TANC2: variants seen among roughly 807,000 people sequenced by gnomAD.
TANC2 encodes the protein protein TANC2.
TANC2 carries 26 observed loss-of-function variants against 210.5 expected under a neutral mutation model. That is an observed-to-expected ratio of 0.12 (90% CI 0.09 to 0.17). The LOEUF is 0.17. Among genes scored for constraint, TANC2 ranks in the 10% least tolerant of loss-of-function variants. The pLI is 1.00. For missense variants in TANC2, 2,129 were observed against 2,608.9 expected (o/e 0.82, Z 4.01); for synonymous variants, 931 against 967.1 (o/e 0.96, Z 0.69).
Position 63,231,546 on chromosome 17 carries a change from G to A in TANC2, c.770-6268G>A, listed in dbSNP as rs537665531. Among the ~76,000 whole-genome samples the A allele has an allele frequency of 3.3e-5, 5 of 152,246 alleles. No homozygotes were observed. The South Asian group carries it at 1.0e-3, about 32-fold the overall frequency. On this transcript the variant is annotated intron_variant, in intron 7 of 27. Coordinates refer to ENST00000689528, the Ensembl canonical transcript of TANC2. ...TTAGTTTGGCCACATATGAACTTCT[G>A]GATTGGAAATTCTTTTCTTTAAGAA...
chr17:62,986,346 T>G (rs2032564544), intron 1 of TANC2, among the ~76,000 whole-genome samples: 1 of 152,146 alleles, frequency 6.6e-6, no homozygotes, highest in African/African-American at 2.4e-5. Flanking sequence ...GCCTGGGACG[T>G]GCCTGCCAGG....
At chr17:63,059,051 T>C (rs763069786) in intron 2 of TANC2, among the ~76,000 whole-genome samples, 24 of 152,208 alleles carry the variant, frequency 1.6e-4, no homozygotes, top group Non-Finnish European at 2.5e-4. Context: ...TTTAATGATA[T>C]TGATTCTTCT....
chr17:63,410,791 G>A lies in TANC2; in HGVS notation c.3590-720G>A, dbSNP rs558544567. Reference sequence around the variant, plus strand: ...CAGGAGAATTGTCTGAACCCGGGAGGTGGAGGTTGCAGTGAGCCAAGATTG... The same window carrying A: ...CAGGAGAATTGTCTGAACCCGGGAGATGGAGGTTGCAGTGAGCCAAGATTG... On this transcript the variant is annotated intron_variant, in intron 21 of 27. Coordinates refer to ENST00000689528, the Ensembl canonical transcript of TANC2. Among the ~76,000 whole-genome samples the A allele has an allele frequency of 1.2e-4, 17 of 146,662 alleles. No homozygotes were observed. In the Middle Eastern group the frequency reaches 0.014, roughly 123 times the overall value.
chr17:63,110,792 C>G (rs2038008596), intron 4 of TANC2, among the ~76,000 whole-genome samples: 1 of 152,192 alleles, frequency 6.6e-6, no homozygotes. Context: ...AGGACACGTT[C>G]AAACCATAGC....
intron 8 of TANC2, among the ~76,000 whole-genome samples, chr17:63,251,810 A>C (rs1377844017): frequency 6.6e-6 from 1 of 152,122 alleles, no homozygotes; most frequent in Non-Finnish European, 1.5e-5. Context: ...CAGTGATGGC[A>C]ATATTTGTCT....
At chr17:63,388,945 T>G (rs2047873046) in intron 16 of TANC2, among the ~76,000 whole-genome samples, 188 bp downstream of exon 16, 1 of 152,228 alleles carries the variant, frequency 6.6e-6, no homozygotes, top group South Asian at 2.1e-4. Flanking sequence ...CATTGTCCTC[T>G]TAACTTCTAT....
intron 2 of TANC2, among the ~76,000 whole-genome samples, chr17:63,068,200 T>C (rs1010885027): frequency 3.9e-5 from 6 of 151,974 alleles, no homozygotes; most frequent in African/African-American, 7.3e-5. Context: ...ACACACCAAA[T>C]GGCCAGTAAA....
intron 2 of TANC2, among the ~76,000 whole-genome samples, chr17:63,054,442 G>A (rs1401001608): frequency 2.6e-5 from 4 of 152,080 alleles, no homozygotes; most frequent in Non-Finnish European, 5.9e-5. Flanking sequence ...CGCGATCTCG[G>A]CTCACTGCAA....
intron 17 of TANC2, chr17:63,391,167 G>T (rs2047960844): frequency 6.6e-6 from 1 of 152,002 alleles, no homozygotes; most frequent in Non-Finnish European, 1.5e-5. Context: ...ACCTATGAAT[G>T]TAGAAACCTA....
intron 1 of TANC2, among the ~76,000 whole-genome samples, chr17:62,971,194 T>C (rs1361769568): frequency 1.3e-5 from 2 of 151,852 alleles, no homozygotes; most frequent in Non-Finnish European, 2.9e-5. Flanking sequence ...GTTAAGGAGA[T>C]GTGTGTATGG....
intron 6 of TANC2, among the ~76,000 whole-genome samples, chr17:63,194,766 C>T (rs2041288267): frequency 6.6e-6 from 1 of 151,860 alleles, no homozygotes; most frequent in South Asian, 2.1e-4. Flanking sequence ...GTGTATTACT[C>T]AATATCTAAA....
intron 4 of TANC2, among the ~76,000 whole-genome samples, chr17:63,106,561 A>G (rs888736887): frequency 4.6e-5 from 7 of 151,628 alleles, no homozygotes; most frequent in South Asian, 2.1e-4. Flanking sequence ...GATTCTTGCT[A>G]CAACTGGGCC....
At chr17:63,330,637 TA>T (rs1478628100) in intron 11 of TANC2, among the ~76,000 whole-genome samples, 1 of 152,210 alleles carries the variant, frequency 6.6e-6, no homozygotes, top group African/African-American at 2.4e-5. Flanking sequence ...AGATATGTTT[TA>T]ATTGCTGTTT....
chr17:63,019,014 C>G (rs1338278128), intron 2 of TANC2, among the ~76,000 whole-genome samples: 1 of 152,094 alleles, frequency 6.6e-6, no homozygotes, highest in Non-Finnish European at 1.5e-5. Flanking sequence ...TATTAGTGTA[C>G]AGGGTTTTGT....
chr17:63,291,644 A>G (rs374965671), intron 9 of TANC2, among the ~76,000 whole-genome samples: 1 of 152,196 alleles, frequency 6.6e-6, no homozygotes, highest in East Asian at 1.9e-4. Context: ...CATTAAAATA[A>G]AAGCAAAACA....
intron 7 of TANC2, among the ~76,000 whole-genome samples, chr17:63,227,780 T>C (rs1462887879): frequency 6.6e-6 from 1 of 152,220 alleles, no homozygotes; most frequent in Non-Finnish European, 1.5e-5. Flanking sequence ...TTAATTTTTG[T>C]ATAAGGTATA....
chr17:63,214,771 A>G (rs1310348093), intron 7 of TANC2, among the ~76,000 whole-genome samples: 2 of 152,250 alleles, frequency 1.3e-5, no homozygotes, highest in African/African-American at 4.8e-5. Context: ...GCTGGGGGAC[A>G]CAAACATTCA....
intron 5 of TANC2, among the ~76,000 whole-genome samples, chr17:63,187,314 C>T (rs1048883243): frequency 6.6e-6 from 1 of 152,050 alleles, no homozygotes; most frequent in South Asian, 2.1e-4. Context: ...GCTTTATTTT[C>T]GTTATTTGTA....
intron 1 of TANC2, among the ~76,000 whole-genome samples, chr17:62,972,834 G>T (rs565732569): frequency 1.3e-5 from 2 of 152,060 alleles, no homozygotes; most frequent in Admixed American, 6.6e-5. Context: ...ACCTTTTCAT[G>T]CCTTTATGAA....
Sources: gnomAD v4.1 joint callset for allele counts (sites outside exome capture counted in the v4.1 genomes callset) on GRCh38, gnomAD v4.1.1 for gene constraint, MANE v1.5 for transcripts, NCBI Gene and HGNC (gene_info 2026-07-23, HGNC 2026-07-21) for gene names.